ABLIM1: variants seen among roughly 807,000 people sequenced by gnomAD.
ABLIM1 encodes actin-binding LIM protein 1.
A neutral mutation model predicts 107.0 loss-of-function variants in ABLIM1; 40 were observed. The ratio of observed to expected loss-of-function variants is 0.37; its 90% CI spans 0.29 to 0.49. The LOEUF is 0.49. Among genes scored for constraint, ABLIM1 ranks in the 20% least tolerant of loss-of-function variants. The probability of loss-of-function intolerance (pLI) is 0.97; values close to 1 mark genes in which losing one functional copy is unlikely to be tolerated. For missense variants in ABLIM1, 857 were observed against 1,008.5 expected, an observed-to-expected ratio of 0.85 and a Z score of 2.04; for synonymous variants, 357 against 357.3, an observed-to-expected ratio of 1.00 and a Z score of 0.01.
intron 1 of ABLIM1, among the ~76,000 whole-genome samples, chr10:114,711,942 T>TGGGCAGCAGGGCA (rs1384520436): frequency 6.6e-6 from 1 of 152,024 alleles, no homozygotes; most frequent in African/African-American, 2.4e-5. Context: ...TCGGGGTTAG[T>TGGGCAGCAGGGCA]CTCTAGGAGC....
At chr10:114,722,538 T>A (rs1055435417) in intron 1 of ABLIM1, among the ~76,000 whole-genome samples, 1 of 152,264 alleles carries the variant, frequency 6.6e-6, no homozygotes, top group Non-Finnish European at 1.5e-5. Flanking sequence ...TCCAAACTTC[T>A]AAATCAAGCC....
intron 2 of ABLIM1, among the ~76,000 whole-genome samples, chr10:114,582,905 A>C (rs1417125835): frequency 1.3e-5 from 2 of 152,190 alleles, no homozygotes; most frequent in Non-Finnish European, 2.9e-5. Flanking sequence ...AAACTACAAA[A>C]ATTCTGGAAG....
intron 6 of ABLIM1, among the ~76,000 whole-genome samples, chr10:114,513,973 T>C (rs1178926819): frequency 6.6e-6 from 1 of 152,200 alleles, no homozygotes; most frequent in African/African-American, 2.4e-5. Flanking sequence ...TCAATGACTA[T>C]ACTCAAGGAA....
chr10:114,445,316 A>C lies in ABLIM1; in HGVS notation c.1823T>G (p.Met608Arg). The C allele has an allele frequency of 6.2e-7, 1 of 1,613,974 alleles. No homozygotes were observed. The highest frequency in any genetic ancestry group is 8.5e-7 in the Non-Finnish European group (1 of 1,179,836). ...RRRQLQEEQL[M>R]KLNSGLGQLI... Reference sequence around the variant, plus strand: ...CAAGGTAGTTTAAGGACAAACCTTCATTAATTGCTCTTCTTGAAGCTGCCG... The same window carrying C: ...CAAGGTAGTTTAAGGACAAACCTTCCTTAATTGCTCTTCTTGAAGCTGCCG... The change falls in exon 16 of 23, where the codon ATG (methionine) becomes AGG (arginine). Residue 608 changes from methionine to arginine, a missense_variant. Physicochemically the swap from Met to Arg is moderately conservative, Grantham distance 91. Transcript: ENST00000533213.
chr10:114,722,867 C>T (rs377714792), intron 1 of ABLIM1, among the ~76,000 whole-genome samples: 2 of 152,214 alleles, frequency 1.3e-5, no homozygotes, highest in Non-Finnish European at 2.9e-5. Flanking sequence ...TCCAGACCAG[C>T]TCAATGACAT....
chr10:114,447,346 A>C (rs910498388), intron 15 of ABLIM1, among the ~76,000 whole-genome samples: 1 of 152,216 alleles, frequency 6.6e-6, no homozygotes, highest in African/African-American at 2.4e-5. Flanking sequence ...CAGAACACCT[A>C]CTACTCTGCA....
chr10:114,684,752 C>A, exon 1 of ABLIM1: 1 of 996,844 alleles, frequency 1.0e-6, no homozygotes, highest in Non-Finnish European at 1.2e-6. Flanking sequence ...AATCCAGAAT[C>A]CAGATTTTGA....
intron 14 of ABLIM1, 55 bp from the exon 15 acceptor site, chr10:114,448,075 C>T (rs377254907): frequency 4.4e-5 from 70 of 1,605,102 alleles, no homozygotes; most frequent in East Asian, 6.7e-5. Flanking sequence ...AAGACAATGG[C>T]GGTACAACCC....
intron 7 of ABLIM1, among the ~76,000 whole-genome samples, chr10:114,488,555 G>C (rs765413080): frequency 3.3e-4 from 51 of 152,278 alleles, no homozygotes; most frequent in South Asian, 1.0e-3. Context: ...AAGGGTGAAA[G>C]TTAAATTATA....
At chr10:114,579,456 T>C (rs767868551) in intron 2 of ABLIM1, among the ~76,000 whole-genome samples, 1 of 152,344 alleles carries the variant, frequency 6.6e-6, no homozygotes, top group African/African-American at 2.4e-5. Flanking sequence ...CATGTTTTTA[T>C]GAACTAGGTA....
intron 8 of ABLIM1, chr10:114,485,204 G>C: frequency 1.1e-6 from 1 of 948,978 alleles, no homozygotes; most frequent in Non-Finnish European, 1.5e-6. Flanking sequence ...AGGAGCCGAA[G>C]AAGTTATGTG....
chr10:114,731,977 T>C (rs1185127779), intron 1 of ABLIM1, among the ~76,000 whole-genome samples: 1 of 152,184 alleles, frequency 6.6e-6, no homozygotes, highest in Non-Finnish European at 1.5e-5. Flanking sequence ...AGTAACTCTA[T>C]ATTTAACTTT....
In ABLIM1 at chr10:114,436,358, CA is replaced by C. The variant is rs2059377423; in HGVS notation, c.2238del (p.Glu747LysfsTer25). On this transcript the variant is annotated frameshift_variant, in exon 23 of 23. Coordinates refer to ENST00000533213, the MANE Select transcript of ABLIM1 (RefSeq NM_002313.7). LOFTEE classifies it high-confidence loss of function. ...ATTCCAAAGATTTCCCGAAACACTTCAGGGGCTAAGTGGCGCTGGGAAGAAG... is the reference window on the plus strand; with the variant it reads ...ATTCCAAAGATTTCCCGAAACACTTCGGGGCTAAGTGGCGCTGGGAAGAAG... ...DRTRLERHLA[P>X]EVFREIFGMS... 1 of 1,613,094 alleles carries C rather than the reference CA, an allele frequency of 6.2e-7. No individual in the cohort carries two copies. Among genetic ancestry groups the C allele is most frequent in the Non-Finnish European group, 8.5e-7 (1 of 1,179,638 alleles).
Position 114,465,801 on chromosome 10 carries a change from C to T in ABLIM1, c.1338G>A (p.Met446Ile), listed in dbSNP as rs1324163827. 5.0e-6 allele frequency: 8 copies of T among 1,614,016 alleles called. No homozygotes were observed. Among genetic ancestry groups the T allele is most frequent in the Non-Finnish European group, 6.8e-6 (8 of 1,180,022 alleles). ...AEGYQDVRDRMIHRSTSQGSI... is the reference protein window; with the variant it reads ...AEGYQDVRDRIIHRSTSQGSI... ...AGCCCTGGCTCGTGGACCGATGGAT[C>T]ATCCGATCCCGAACATCCTGGTACC... Residue 446 changes from methionine to isoleucine, a missense_variant, in exon 12 of 23, where the codon ATG becomes ATA. Physicochemically the swap from Met to Ile is conservative, Grantham distance 10. This residue lies in a region of ABLIM1 where 381 missense variants were observed against 506.9 expected (regional missense o/e 0.75). Coordinates refer to ENST00000533213, the MANE Select transcript of ABLIM1 (RefSeq NM_002313.7).
chr10:114,674,961 C>G (rs1246709681), intron 1 of ABLIM1, among the ~76,000 whole-genome samples: 1 of 152,108 alleles, frequency 6.6e-6, no homozygotes, highest in East Asian at 1.9e-4. Context: ...TCTCTTGGCT[C>G]TCTTGCTATA....
intron 1 of ABLIM1, among the ~76,000 whole-genome samples, chr10:114,678,030 T>C (rs2080568714): frequency 6.6e-6 from 1 of 152,240 alleles, no homozygotes; most frequent in South Asian, 2.1e-4. Context: ...AAATCAACCA[T>C]TCTTTTTTAA....
At chr10:114,443,990 G>T (rs1445571525) in intron 17 of ABLIM1, 39 bp downstream of exon 17, 6 of 1,534,558 alleles carry the variant, frequency 3.9e-6, no homozygotes, top group Non-Finnish European at 5.3e-6. Context: ...GCAGGTGGCT[G>T]GCTCTCGAAT....
At chr10:114,681,635 C>G (rs149547975) in intron 1 of ABLIM1, among the ~76,000 whole-genome samples, 38 of 152,318 alleles carry the variant, frequency 2.5e-4, no homozygotes, top group Non-Finnish European at 4.7e-4. Context: ...CACATGACAG[C>G]AGGACATATG....
chr10:114,460,421 TG>T (rs2063623734), intron 12 of ABLIM1, among the ~76,000 whole-genome samples: 1 of 152,072 alleles, frequency 6.6e-6, no homozygotes, highest in Admixed American at 6.5e-5. Context: ...GTCAACATGG[TG>T]AAACCCCGTC....
Sources: gnomAD v4.1 joint callset for allele counts (sites outside exome capture counted in the v4.1 genomes callset) on GRCh38, gnomAD v4.1.1 for gene constraint, gnomAD v4.1.1 regional missense constraint, MANE v1.5 for transcripts, NCBI Gene and HGNC (gene_info 2026-07-23, HGNC 2026-07-21) for gene names.